Variants in EDARADD observed in about 807,000 individuals in gnomAD.
EDARADD encodes EDAR associated via death domain.
Under a neutral mutation model 25.6 loss-of-function variants are expected in EDARADD, and 20 were observed. The observed-to-expected ratio is 0.78, with a 90% CI of 0.55 to 1.14. The LOEUF (loss-of-function observed/expected upper bound fraction) is 1.14, where lower values mean the gene tolerates loss of function less well. Ranked by LOEUF, EDARADD falls within the 50% of genes most tolerant of loss-of-function variation. The pLI, the probability that EDARADD is intolerant of heterozygous loss-of-function variation, is 0.00. For missense variants in EDARADD, 225 were observed against 270.1 expected (o/e 0.83, Z 1.17); for synonymous variants, 86 against 94.4 (o/e 0.91, Z 0.52).
rs181568854 is a variant in EDARADD at position 236,409,110 on chromosome 1, A to G, written c.62-106A>G. On this transcript the variant is annotated intron_variant, in intron 1 of 5. Transcript: ENST00000334232. ...AAAGGAGTAAGGTTTTCTTCAGCCT[A>G]AGTAAAATTACTTGCCTCTGTATAG... The G allele has an allele frequency of 2.9e-4, 186 of 647,410 alleles. 1 individual carries two copies. The Admixed American group carries it at 5.4e-3, about 19-fold the overall frequency. 40.1% of individuals were successfully genotyped at this position (647,410 alleles called of 1,614,324 possible). A position where few individuals can be genotyped will look rare whatever the true frequency, so the allele number is the denominator to read the frequency against.
intron 4 of EDARADD, among the ~76,000 whole-genome samples, chr1:236,438,228 A>G (rs1482799011): frequency 6.6e-6 from 1 of 152,210 alleles, no homozygotes; most frequent in Non-Finnish European, 1.5e-5. Context: ...TAAGGACCCC[A>G]TTTCAAAACA....
At chr1:236,420,623 T>C (rs1203378231) in intron 3 of EDARADD, among the ~76,000 whole-genome samples, 1 of 152,252 alleles carries the variant, frequency 6.6e-6, no homozygotes, top group East Asian at 1.9e-4. Context: ...TGGTTTAGGT[T>C]TGACCTTTAG....
chr1:236,377,839 A>G lies in EDARADD; in HGVS notation c.-6+27000A>G, dbSNP rs1356167961. 1.1e-4 allele frequency among the ~76,000 whole-genome samples: 16 copies of G among 151,838 alleles called. 1 individual carries two copies. Among genetic ancestry groups the G allele is most frequent in the Admixed American group, 1.0e-3 (16 of 15,244 alleles). ...TGCCACTGCACTCCAGCCTCACGAC[A>G]GAGTGAGACTCCATTAAAAAAAAAA... On this transcript the variant is annotated intron_variant, in intron 3 of 7. Transcript: ENST00000439430.
chr1:236,461,132 T>C (rs1176877433), intron 4 of EDARADD, among the ~76,000 whole-genome samples: 1 of 152,208 alleles, frequency 6.6e-6, no homozygotes, highest in Non-Finnish European at 1.5e-5. Context: ...TGAAAAAGTT[T>C]TGAACGGTCT....
rs181809159 is a variant in EDARADD at position 236,463,794 on chromosome 1, T to C, written c.220-4437T>C. Among the ~76,000 whole-genome samples the C allele has an allele frequency of 2.5e-3, 381 of 152,270 alleles. 2 individuals are homozygous for C. The highest frequency in any genetic ancestry group is 8.6e-3 in the African/African-American group (356 of 41,556). On this transcript the variant is annotated intron_variant, in intron 4 of 5. Transcript: ENST00000334232. ...GGGCCAACGGATATCTCACCTCCCT[T>C]CAGGCTTCTCCAGATTTGCCCCCGT...
upstream of EDARADD, chr1:236,394,154 A>G: frequency 2.4e-6 from 1 of 410,632 alleles, no homozygotes; most frequent in Non-Finnish European, 4.5e-6. Context: ...TCACTCAACT[A>G]GTGTTTCCTG....
chr1:236,362,808 T>C (rs1624120), intron 3 of EDARADD, among the ~76,000 whole-genome samples: 52,121 of 149,924 alleles, frequency 0.35, 9,393 homozygotes, highest in African/African-American at 0.44. Context: ...ATCTTATCTC[T>C]GCTGCCTTGC....
intron 1 of EDARADD, among the ~76,000 whole-genome samples, chr1:236,397,562 A>G (rs1667538897): frequency 6.6e-6 from 1 of 152,168 alleles, no homozygotes; most frequent in African/African-American, 2.4e-5. Flanking sequence ...GAGGAGTGAG[A>G]GGACAGAGGA....
chr1:236,351,387 T>G (rs1045181251), intron 3 of EDARADD, among the ~76,000 whole-genome samples: 3 of 152,022 alleles, frequency 2.0e-5, no homozygotes, highest in African/African-American at 4.8e-5. Context: ...CCGTGGCCGG[T>G]GTCCAGGCTC....
rs1657911580 is a variant in EDARADD, at chr1:236,426,046, A to G, written c.161-1346A>G. Among the ~76,000 whole-genome samples, 2 of 151,752 alleles carry G rather than the reference A, an allele frequency of 1.3e-5. 1 individual carries two copies. The highest frequency in any genetic ancestry group is 4.2e-4 in the South Asian group (2 of 4,796). On this transcript the variant is annotated intron_variant, in intron 3 of 5. Transcript: ENST00000334232. Reference sequence around the variant, plus strand: ...AGGCTGGAGTGCAGTGGCATGATCGATCAGAGCTCACTGCAGCCTTGAACT... The same window carrying G: ...AGGCTGGAGTGCAGTGGCATGATCGGTCAGAGCTCACTGCAGCCTTGAACT...
At chr1:236,374,920 T>C (rs1219048795) in intron 3 of EDARADD, among the ~76,000 whole-genome samples, 1 of 97,672 alleles carries the variant, frequency 1.0e-5, no homozygotes, top group Non-Finnish European at 2.4e-5. Context: ...ATATAATTGG[T>C]ATCTACCATA....
At chr1:236,448,877 T>A (rs1190291031) in intron 4 of EDARADD, among the ~76,000 whole-genome samples, 1 of 152,230 alleles carries the variant, frequency 6.6e-6, no homozygotes, top group Non-Finnish European at 1.5e-5. Flanking sequence ...TTTCTTCTTT[T>A]TCCTTTTCAG....
At chr1:236,437,521 A>C (rs1658289191) in intron 4 of EDARADD, among the ~76,000 whole-genome samples, 1 of 152,072 alleles carries the variant, frequency 6.6e-6, no homozygotes, top group Admixed American at 6.6e-5. Context: ...GGAGAGCCTG[A>C]GGGCTATTGC....
At chr1:236,391,093 C>T (rs927309113), upstream of EDARADD, among the ~76,000 whole-genome samples, 6 of 152,096 alleles carry the variant, frequency 3.9e-5, no homozygotes, top group African/African-American at 1.4e-4. Flanking sequence ...AGTACAGGCG[C>T]CTGCCACCAC....
At chr1:236,480,941 C>A (rs1012549806) in intron 5 of EDARADD, among the ~76,000 whole-genome samples, 1 of 152,132 alleles carries the variant, frequency 6.6e-6, no homozygotes, top group Non-Finnish European at 1.5e-5. Context: ...GAAAAGCCTC[C>A]TGCTGAGTTT....
At chr1:236,401,121 G>A (rs1475395249) in intron 1 of EDARADD, among the ~76,000 whole-genome samples, 1 of 151,954 alleles carries the variant, frequency 6.6e-6, no homozygotes, top group Non-Finnish European at 1.5e-5. Context: ...AGGAGGCAGA[G>A]GTTGCAGTGA....
intron 1 of EDARADD, among the ~76,000 whole-genome samples, chr1:236,400,705 C>T (rs1400057002): frequency 1.3e-5 from 2 of 150,320 alleles, no homozygotes; most frequent in Non-Finnish European, 3.0e-5. Context: ...CAGGCTTGTA[C>T]CACCACACCC....
At chr1:236,377,634 C>A (rs1302492871) in intron 3 of EDARADD, among the ~76,000 whole-genome samples, 1 of 150,956 alleles carries the variant, frequency 6.6e-6, no homozygotes, top group Non-Finnish European at 1.5e-5. Flanking sequence ...CCGAGGTGGG[C>A]AGATCATAAG....
rs974346936 is a variant in EDARADD at position 236,396,882 on chromosome 1, C to A, written c.61+2377C>A. Among the ~76,000 whole-genome samples the A allele has an allele frequency of 2.0e-5, 3 of 149,318 alleles. No homozygotes were observed. In the Admixed American group the frequency reaches 2.0e-4, roughly 10 times the overall value. On this transcript the variant is annotated intron_variant, in intron 1 of 5. Transcript: ENST00000334232. ...CCTACCCTAGCATCCACCTCCTTTT[C>A]TGAGAACTGAATTGACAAGGTGCCA...
Sources: allele counts gnomAD v4.1 joint callset (sites outside exome capture counted in the v4.1 genomes callset), GRCh38; gene constraint gnomAD v4.1.1; transcripts MANE v1.5; gene names NCBI Gene and HGNC (gene_info 2026-07-23, HGNC 2026-07-21).